Variants in GBE1 observed in about 807,000 individuals in gnomAD.
GBE1 encodes 1,4-alpha-glucan-branching enzyme.
In GBE1, 70 loss-of-function variants were observed where a neutral mutation model predicts 88.8. The ratio of observed to expected loss-of-function variants is 0.79; its 90% CI spans 0.65 to 0.96. The LOEUF is 0.96. Ranked by LOEUF, GBE1 falls within the 40% of genes least tolerant of loss-of-function variation. The pLI, the probability that GBE1 is intolerant of heterozygous loss-of-function variation, is 0.00. For missense variants in GBE1, 872 were observed against 871.0 expected, an observed-to-expected ratio of 1.00 and a Z score of -0.01; for synonymous variants, 284 against 300.1, an observed-to-expected ratio of 0.95 and a Z score of 0.56.
At chr3:81,694,211 C>T (rs1055062880) in intron 2 of GBE1, among the ~76,000 whole-genome samples, 2 of 144,092 alleles carry the variant, frequency 1.4e-5, no homozygotes, top group Admixed American at 7.1e-5. Context: ...AGGTAGAGAA[C>T]GAAGAAACTG....
intron 8 of GBE1, among the ~76,000 whole-genome samples, chr3:81,592,621 C>G (rs1703894840): frequency 6.6e-6 from 1 of 152,038 alleles, no homozygotes; most frequent in African/African-American, 2.4e-5. Flanking sequence ...AAATGTTAAA[C>G]AACTCAGAAT....
At chr3:81,697,826 C>T (rs1705623068) in intron 2 of GBE1, among the ~76,000 whole-genome samples, 1 of 151,966 alleles carries the variant, frequency 6.6e-6, no homozygotes, top group South Asian at 2.1e-4. Flanking sequence ...AAGAAAGATT[C>T]TGTTTCCTGA....
intron 1 of GBE1, among the ~76,000 whole-genome samples, chr3:81,759,530 A>G (rs960741075): frequency 4.6e-5 from 7 of 152,244 alleles, no homozygotes; most frequent in Admixed American, 4.6e-4. Flanking sequence ...AAGTGTTAAC[A>G]ATAGAAGTTA....
intron 2 of GBE1, among the ~76,000 whole-genome samples, chr3:81,697,264 G>A (rs1267880390): frequency 5.9e-5 from 9 of 151,886 alleles, no homozygotes; most frequent in Admixed American, 1.3e-4. Flanking sequence ...ACAAAGACAC[G>A]CATAGGGTAA....
chr3:81,594,080 T>A (rs1296141380), intron 7 of GBE1, 57 bp from the exon 8 acceptor site: 2 of 733,568 alleles, frequency 2.7e-6, no homozygotes, highest in Non-Finnish European at 2.3e-6. Flanking sequence ...TTTCCTTAAC[T>A]GTTATAAATG....
intron 7 of GBE1, chr3:81,612,220 T>TAAA (rs11404629): frequency 0.11 from 25,562 of 237,990 alleles, 1,134 homozygotes; most frequent in East Asian, 0.16. Flanking sequence ...CACGCTCCTT[T>TAAA]AAAAAAAAAA....
chr3:81,738,354 T>C (rs1575772445), intron 1 of GBE1, among the ~76,000 whole-genome samples: 1 of 151,210 alleles, frequency 6.6e-6, no homozygotes. Flanking sequence ...GTTGAACTAG[T>C]TTACAGTCCC....
At chr3:81,725,456 T>C (rs1288031020) in intron 1 of GBE1, among the ~76,000 whole-genome samples, 2 of 152,190 alleles carry the variant, frequency 1.3e-5, no homozygotes, top group Non-Finnish European at 2.9e-5. Flanking sequence ...TCTCCTATGA[T>C]AACAATGCCT....
intron 1 of GBE1, among the ~76,000 whole-genome samples, chr3:81,759,212 G>A (rs888802560): frequency 3.3e-5 from 5 of 152,176 alleles, no homozygotes; most frequent in African/African-American, 1.2e-4. Context: ...AGGTAAAGAA[G>A]GGAAGGAACA....
At chr3:81,740,879 C>G (rs1446599849) in intron 1 of GBE1, among the ~76,000 whole-genome samples, 2 of 152,130 alleles carry the variant, frequency 1.3e-5, no homozygotes, top group African/African-American at 2.4e-5. Context: ...CTCTCAGTAA[C>G]TGAACTGAGG....
At chr3:81,715,035 G>A (rs1705922696) in intron 1 of GBE1, among the ~76,000 whole-genome samples, 1 of 152,148 alleles carries the variant, frequency 6.6e-6, no homozygotes, top group Non-Finnish European at 1.5e-5. Flanking sequence ...TATGGTCTGA[G>A]TGGATATAAA....
chr3:81,665,511 G>A (rs942681091), intron 3 of GBE1, among the ~76,000 whole-genome samples: 2 of 151,026 alleles, frequency 1.3e-5, no homozygotes, highest in Non-Finnish European at 2.9e-5. Flanking sequence ...ACTCCAGCCT[G>A]GGGGACACAG....
intron 14 of GBE1, among the ~76,000 whole-genome samples, chr3:81,507,391 T>C (rs544123154): frequency 2.2e-4 from 33 of 152,010 alleles, no homozygotes; most frequent in South Asian, 2.1e-3. Flanking sequence ...TGTGAAACCC[T>C]GTCTCTACTA....
At position 81,750,615 on chromosome 3, in the gene GBE1, ATG is replaced by A. The variant is rs200005229; in HGVS notation, c.143+10758_143+10759del. On this transcript the variant is annotated intron_variant, in intron 1 of 15. Coordinates refer to ENST00000429644, the MANE Select transcript of GBE1 (RefSeq NM_000158.4). ...TATATATATATGTGTATATATATAT[ATG>A]TATATATATATACGTATATATATAT... Among the ~76,000 whole-genome samples the A allele has an allele frequency of 8.1e-4, 56 of 69,514 alleles. 5 individuals carry two copies. The highest frequency in any genetic ancestry group is 4.2e-3 in the African/African-American group (48 of 11,296). 45.6% of individuals were successfully genotyped at this position (69,514 alleles called of 152,430 possible).
chr3:81,553,267 GT>G (rs951495963), intron 12 of GBE1, among the ~76,000 whole-genome samples: 7 of 149,718 alleles, frequency 4.7e-5, no homozygotes, highest in African/African-American at 4.9e-5. Context: ...CCTCTTCAGA[GT>G]TTTTTTTTTA....
intron 10 of GBE1, among the ~76,000 whole-genome samples, chr3:81,583,381 A>C (rs1316357747): frequency 1.3e-5 from 2 of 152,118 alleles, no homozygotes; most frequent in African/African-American, 4.8e-5. Flanking sequence ...CATTTATCTC[A>C]TAGTTATGAA....
At chr3:81,738,905 A>C (rs1706311648) in intron 1 of GBE1, among the ~76,000 whole-genome samples, 1 of 152,190 alleles carries the variant, frequency 6.6e-6, no homozygotes, top group Non-Finnish European at 1.5e-5. Context: ...GGTAGTTTAT[A>C]AACAAAAGAA....
intron 14 of GBE1, among the ~76,000 whole-genome samples, chr3:81,511,081 G>A (rs1300496654): frequency 1.3e-5 from 2 of 151,928 alleles, no homozygotes; most frequent in Non-Finnish European, 2.9e-5. Context: ...ATGGGGAAAG[G>A]ACTCCCTATT....
intron 14 of GBE1, among the ~76,000 whole-genome samples, chr3:81,505,193 T>A (rs542725097): frequency 6.6e-6 from 1 of 152,308 alleles, no homozygotes; most frequent in Admixed American, 6.5e-5. Flanking sequence ...TTATTTTATA[T>A]TTAATTCTTT....
Sources: gnomAD v4.1 joint callset for allele counts (sites outside exome capture counted in the v4.1 genomes callset) on GRCh38, gnomAD v4.1.1 for gene constraint, MANE v1.5 for transcripts, NCBI Gene and HGNC (gene_info 2026-07-23, HGNC 2026-07-21) for gene names.